CSMD1: variants seen among roughly 807,000 people sequenced by gnomAD.
The protein encoded by CSMD1 is CUB and sushi domain-containing protein 1.
Under a neutral mutation model 417.5 loss-of-function variants are expected in CSMD1, and 213 were observed. The ratio of observed to expected loss-of-function variants is 0.51; its 90% confidence interval spans 0.46 to 0.57. CSMD1 has a LOEUF of 0.57. CSMD1 is among the 20% of genes least tolerant of loss of function. The pLI is 0.00. For synonymous variants in CSMD1, 2,862 were observed against 1,736.8 expected, an observed-to-expected ratio of 1.65 and a Z score of -16.11; for missense variants, 6,923 against 4,529.7, an observed-to-expected ratio of 1.53 and a Z score of -15.17.
chr8:3,213,999 C>T (rs1341436191), intron 30 of CSMD1, among the ~76,000 whole-genome samples: 2 of 151,908 alleles, frequency 1.3e-5, no homozygotes, highest in South Asian at 2.1e-4. Context: ...GCACGCACCA[C>T]CACACCCAGT....
intron 3 of CSMD1, among the ~76,000 whole-genome samples, chr8:4,372,701 A>C (rs536599367): frequency 6.6e-6 from 1 of 152,084 alleles, no homozygotes; most frequent in South Asian, 2.1e-4. Flanking sequence ...TCAATAGCTA[A>C]CTGAAAGAGT....
chr8:3,427,168 T>C (rs911982058), intron 12 of CSMD1, among the ~76,000 whole-genome samples: 1 of 152,120 alleles, frequency 6.6e-6, no homozygotes, highest in Admixed American at 6.6e-5. Context: ...AAAATCAAGA[T>C]GAGATTTTGG....
intron 6 of CSMD1, among the ~76,000 whole-genome samples, chr8:3,708,956 C>G (rs545906483): frequency 2.6e-5 from 4 of 152,086 alleles, no homozygotes; most frequent in African/African-American, 9.7e-5. Context: ...TTTAGCGAAT[C>G]TGTGTGGGTG....
intron 1 of CSMD1, among the ~76,000 whole-genome samples, chr8:4,814,654 G>C (rs4256614): frequency 0.065 from 9,899 of 152,134 alleles, 533 homozygotes; most frequent in East Asian, 0.23. Flanking sequence ...TATACTAGTA[G>C]GAGACTTGGT....
intron 8 of CSMD1, among the ~76,000 whole-genome samples, chr8:3,612,569 T>C (rs1801946624): frequency 6.6e-6 from 1 of 152,144 alleles, no homozygotes; most frequent in Non-Finnish European, 1.5e-5. Context: ...AAAGCAATTA[T>C]CAAAACATTT....
intron 1 of CSMD1, among the ~76,000 whole-genome samples, chr8:4,909,333 C>T (rs1805508224): frequency 6.6e-6 from 1 of 152,108 alleles, no homozygotes; most frequent in South Asian, 2.1e-4. Context: ...CCTTTTACCT[C>T]CTTGCCTTCT....
chr8:2,940,373 C>G (rs1331424709), intron 69 of CSMD1, among the ~76,000 whole-genome samples: 1 of 152,186 alleles, frequency 6.6e-6, no homozygotes, highest in Non-Finnish European at 1.5e-5. Flanking sequence ...GAGGGAACAG[C>G]TTCCTTCATA....
intron 7 of CSMD1, among the ~76,000 whole-genome samples, chr8:3,666,235 G>C (rs1249421732): frequency 6.6e-6 from 1 of 151,862 alleles, no homozygotes; most frequent in Non-Finnish European, 1.5e-5. Flanking sequence ...CACCACACTG[G>C]TGAGACTTTC....
intron 11 of CSMD1, among the ~76,000 whole-genome samples, chr8:3,483,364 T>G (rs1360680723): frequency 1.3e-5 from 2 of 152,022 alleles, no homozygotes; most frequent in Admixed American, 1.3e-4. Context: ...AACTGTAAAT[T>G]CATAAATTCA....
intron 3 of CSMD1, among the ~76,000 whole-genome samples, chr8:4,258,352 A>C (rs1174441678): frequency 5.5e-5 from 2 of 36,336 alleles, no homozygotes. Context: ...GGAGGGAGAA[A>C]GAGAAGGAGG....
chr8:4,855,057 C>G (rs1368302480), intron 1 of CSMD1, among the ~76,000 whole-genome samples: 1 of 152,100 alleles, frequency 6.6e-6, no homozygotes, highest in African/African-American at 2.4e-5. Context: ...CAGCAAGCAG[C>G]TGGAGATCTG....
chr8:4,917,669 A>T (rs753723706), intron 1 of CSMD1, among the ~76,000 whole-genome samples: 1 of 152,206 alleles, frequency 6.6e-6, no homozygotes, highest in Non-Finnish European at 1.5e-5. Context: ...ATAAAAAATA[A>T]AATAAGAGAT....
At chr8:4,365,142 A>T (rs904344964) in intron 3 of CSMD1, among the ~76,000 whole-genome samples, 2 of 152,200 alleles carry the variant, frequency 1.3e-5, no homozygotes, top group Non-Finnish European at 2.9e-5. Flanking sequence ...ACTAATATAC[A>T]GCATATCATA....
At position 3,249,570 on chromosome 8, in the gene CSMD1, T is replaced by A. The variant is rs930721611; in HGVS notation, c.4154-19339A>T. ...AGCAAGTAACTCAAATGATCAAGTC[T>A]CAAAAAAATAAGTTTACAATCGTAT... is the stretch of plus-strand genomic sequence containing the variant. On this transcript the variant is annotated intron_variant, in intron 26 of 69. Coordinates refer to ENST00000635120, the MANE Select transcript of CSMD1 (RefSeq NM_033225.6). Among the ~76,000 whole-genome samples, 3 of 151,928 alleles carry A rather than the reference T, an allele frequency of 2.0e-5. No homozygotes were observed. The East Asian group carries it at 5.8e-4, about 29-fold the overall frequency.
rs144995201 is a variant in CSMD1 at position 4,167,544 on chromosome 8, T to C, written c.416-135445A>G. On this transcript the variant is annotated intron_variant, in intron 3 of 69. Coordinates refer to ENST00000635120, the MANE Select transcript of CSMD1 (RefSeq NM_033225.6). ...GCTACCTCTGATTTATATAAAATCTTGCTTGTTGCAGAAATTAGCAGCAAA... is the reference window on the plus strand; with the variant it reads ...GCTACCTCTGATTTATATAAAATCTCGCTTGTTGCAGAAATTAGCAGCAAA... Among the ~76,000 whole-genome samples, 153 of 152,298 alleles carry C rather than the reference T, an allele frequency of 1.0e-3. 1 individual carries two copies. Among genetic ancestry groups the C allele is most frequent in the African/African-American group, 3.5e-3 (147 of 41,562 alleles).
intron 12 of CSMD1, among the ~76,000 whole-genome samples, chr8:3,418,080 T>C (rs34405886): frequency 0.095 from 14,409 of 152,266 alleles, 834 homozygotes; most frequent in Middle Eastern, 0.17. Context: ...AAAATTCGGT[T>C]GTGTACATGA....
chr8:2,964,742 G>C (rs1341275869), intron 59 of CSMD1, among the ~76,000 whole-genome samples: 2 of 152,150 alleles, frequency 1.3e-5, no homozygotes, highest in East Asian at 1.9e-4. Flanking sequence ...ATACAAAGAA[G>C]GGAAGGCAAT....
chr8:4,868,017 G>C (rs933345151), intron 1 of CSMD1, among the ~76,000 whole-genome samples: 1 of 151,958 alleles, frequency 6.6e-6, no homozygotes, highest in Non-Finnish European at 1.5e-5. Flanking sequence ...GCTAAATGCG[G>C]AAATGGCTCT....
intron 54 of CSMD1, among the ~76,000 whole-genome samples, chr8:2,985,099 T>TCAATATACGTCC (rs1291934051): frequency 6.6e-6 from 1 of 152,142 alleles, no homozygotes; most frequent in Non-Finnish European, 1.5e-5. Flanking sequence ...CGACTCAAAA[T>TCAATATACGTCC]CAATATACGT....
Sources: gnomAD v4.1 joint callset for allele counts (sites outside exome capture counted in the v4.1 genomes callset) on GRCh38, gnomAD v4.1.1 for gene constraint, MANE v1.5 for transcripts, NCBI Gene and HGNC (gene_info 2026-07-23, HGNC 2026-07-21) for gene names.